Variants in PARD3 observed in about 807,000 individuals in gnomAD.
PARD3 encodes partitioning defective 3 homolog.
In PARD3, 75 loss-of-function variants were observed where a neutral mutation model predicts 155.4. That is an observed-to-expected ratio of 0.48 (90% CI 0.40 to 0.58). The LOEUF (loss-of-function observed/expected upper bound fraction) is 0.58. Ranked by LOEUF, PARD3 falls within the 20% of genes least tolerant of loss-of-function variation. PARD3 has a pLI of 0.00. For synonymous variants in PARD3, 576 were observed against 610.5 expected, an observed-to-expected ratio of 0.94 and a Z score of 0.83; for missense variants, 1,642 against 1,721.7, an observed-to-expected ratio of 0.95 and a Z score of 0.82.
intron 3 of PARD3, among the ~76,000 whole-genome samples, chr10:34,510,239 C>T (rs1240319081): frequency 6.6e-6 from 1 of 152,152 alleles, no homozygotes; most frequent in African/African-American, 2.4e-5. Flanking sequence ...CTGCAGCTAC[C>T]TCATGCCAGC....
chr10:34,755,780 CA>C (rs1420978651), intron 1 of PARD3, among the ~76,000 whole-genome samples: 2 of 151,558 alleles, frequency 1.3e-5, no homozygotes, highest in African/African-American at 4.8e-5. Context: ...TTTTTTTTGC[CA>C]TTTTTCCCCT....
chr10:34,167,762 C>T (rs114766701), intron 22 of PARD3, among the ~76,000 whole-genome samples: 366 of 152,288 alleles, frequency 2.4e-3, no homozygotes, highest in African/African-American at 8.3e-3. Flanking sequence ...TACGCTTGAA[C>T]GTGTCTCTGC....
At chr10:34,668,207 C>A (rs1256174242) in intron 2 of PARD3, among the ~76,000 whole-genome samples, 1 of 152,202 alleles carries the variant, frequency 6.6e-6, no homozygotes, top group Non-Finnish European at 1.5e-5. Context: ...CCGAGACAAG[C>A]CTCTTTTCTG....
chr10:34,579,848 C>T (rs1466651862), intron 2 of PARD3, among the ~76,000 whole-genome samples: 2 of 150,748 alleles, frequency 1.3e-5, no homozygotes, highest in African/African-American at 4.9e-5. Flanking sequence ...CCTTGTGATC[C>T]GCCTGCCTCG....
intron 3 of PARD3, among the ~76,000 whole-genome samples, chr10:34,508,048 C>A (rs913871055): frequency 5.3e-5 from 8 of 152,068 alleles, no homozygotes; most frequent in Non-Finnish European, 7.4e-5. Flanking sequence ...AAGACAAAAT[C>A]AATCTGTATA....
chr10:34,756,533 G>A (rs1233889132), intron 1 of PARD3, among the ~76,000 whole-genome samples: 1 of 146,942 alleles, frequency 6.8e-6, no homozygotes, highest in African/African-American at 2.5e-5. Flanking sequence ...TGGCGTAGTG[G>A]TAGTCCTGAA....
chr10:34,121,248 T>C (rs184603551), intron 23 of PARD3, among the ~76,000 whole-genome samples: 46 of 152,338 alleles, frequency 3.0e-4, no homozygotes, highest in Non-Finnish European at 7.3e-5. Flanking sequence ...CTTCTAGATC[T>C]GGCCTTTTGA....
At position 34,620,622 on chromosome 10, in the gene PARD3, A is replaced by G. The variant is rs1211178477; in HGVS notation, c.222+75696T>C. On this transcript the variant is annotated intron_variant, in intron 2 of 24. Coordinates refer to ENST00000374788, the MANE Select transcript of PARD3 (RefSeq NM_001184785.2). ...ACCTTGAAATCCAATTTGTTTCTGC[A>G]TTTCTGTTCTACTTACAAAGCATCA... is the stretch of plus-strand genomic sequence containing the variant. 2.0e-5 allele frequency among the ~76,000 whole-genome samples: 3 copies of G among 152,226 alleles called. No individual in the cohort carries two copies. In the East Asian group the frequency reaches 5.8e-4, roughly 29 times the overall value.
At position 34,246,633 on chromosome 10, in the gene PARD3, A is replaced by G. The variant is rs144132774; in HGVS notation, c.3419+23024T>C. Among the ~76,000 whole-genome samples, 151 of 149,558 alleles carry G rather than the reference A, an allele frequency of 1.0e-3. 1 individual carries two copies. Among genetic ancestry groups the G allele is most frequent in the African/African-American group, 3.7e-3 (145 of 38,990 alleles). ...TTTGATTCCCACCCTGGGCATGAGTAAGGGAAAATCCTATAAGCCCAGACA... is the reference window on the plus strand; with the variant it reads ...TTTGATTCCCACCCTGGGCATGAGTGAGGGAAAATCCTATAAGCCCAGACA... On this transcript the variant is annotated intron_variant, in intron 22 of 24. Transcript: ENST00000374788.
At chr10:34,580,390 C>T (rs900434016) in intron 2 of PARD3, among the ~76,000 whole-genome samples, 2 of 152,010 alleles carry the variant, frequency 1.3e-5, no homozygotes, top group Admixed American at 6.6e-5. Flanking sequence ...CAAAAATTAG[C>T]CAGGCATGGT....
At chr10:34,229,707 C>T (rs2133557113) in intron 22 of PARD3, among the ~76,000 whole-genome samples, 1 of 151,530 alleles carries the variant, frequency 6.6e-6, no homozygotes, top group Middle Eastern at 3.4e-3. Context: ...TCAAAAACTC[C>T]AGGTCACAAA....
At chr10:34,565,609 A>C (rs549059021) in intron 2 of PARD3, among the ~76,000 whole-genome samples, 131 of 152,146 alleles carry the variant, frequency 8.6e-4, no homozygotes, top group African/African-American at 3.1e-3. Context: ...GCTCTTTAAC[A>C]ACTTTGTGTT....
intron 1 of PARD3, among the ~76,000 whole-genome samples, chr10:34,795,320 C>T (rs1029049937): frequency 1.1e-4 from 16 of 152,152 alleles, no homozygotes; most frequent in African/African-American, 3.6e-4. Flanking sequence ...GGTAGTAAAA[C>T]GTATTTCAGA....
chr10:34,312,848 C>T lies in PARD3; in HGVS notation c.3065+4259G>A, dbSNP rs531763271. On this transcript the variant is annotated intron_variant, in intron 20 of 24. Transcript: ENST00000374788. Reference sequence around the variant, plus strand: ...AGAGTACATACAATTCTATGATATTCAAACGATAACAGTTCCAATTTTGCA... The same window carrying T: ...AGAGTACATACAATTCTATGATATTTAAACGATAACAGTTCCAATTTTGCA... Among the ~76,000 whole-genome samples the T allele has an allele frequency of 7.9e-5, 12 of 152,244 alleles. No homozygotes were observed. In the East Asian group the frequency reaches 2.3e-3, roughly 29 times the overall value.
chr10:34,351,053 G>A (rs1838024767), intron 14 of PARD3, among the ~76,000 whole-genome samples: 1 of 152,106 alleles, frequency 6.6e-6, no homozygotes, highest in Non-Finnish European at 1.5e-5. Context: ...ATTTATCTGT[G>A]GGGTTTAATA....
chr10:34,550,634 A>G (rs2084473297), intron 2 of PARD3, among the ~76,000 whole-genome samples: 1 of 152,240 alleles, frequency 6.6e-6, no homozygotes, highest in Admixed American at 6.5e-5. Flanking sequence ...CAGAAGCTTA[A>G]GAAAAACAAA....
intron 2 of PARD3, among the ~76,000 whole-genome samples, chr10:34,576,628 G>C (rs1180772566): frequency 6.6e-6 from 1 of 152,026 alleles, no homozygotes; most frequent in African/African-American, 2.4e-5. Context: ...GTCACCCCCT[G>C]ACTGCACTAA....
chr10:34,424,458 G>C (rs1027623008), intron 5 of PARD3, among the ~76,000 whole-genome samples: 4 of 152,124 alleles, frequency 2.6e-5, no homozygotes, highest in African/African-American at 9.7e-5. Context: ...TATGCAGCAT[G>C]ATGAAACTGG....
chr10:34,170,298 G>T (rs893197836), intron 22 of PARD3, among the ~76,000 whole-genome samples: 2 of 152,160 alleles, frequency 1.3e-5, no homozygotes, highest in Non-Finnish European at 2.9e-5. Context: ...TGCTGCCCAG[G>T]CTGGTCTAGA....
Sources: gnomAD v4.1 joint callset for allele counts (sites outside exome capture counted in the v4.1 genomes callset) on GRCh38, gnomAD v4.1.1 for gene constraint, MANE v1.5 for transcripts, NCBI Gene and HGNC (gene_info 2026-07-23, HGNC 2026-07-21) for gene names.